WDFY2: variants seen among roughly 807,000 people sequenced by gnomAD.
The protein encoded by WDFY2 is WD repeat and FYVE domain containing 2.
A neutral mutation model predicts 56.4 loss-of-function variants in WDFY2; 36 were observed. That is an observed-to-expected ratio of 0.64 (90% confidence interval 0.49 to 0.84). The LOEUF is 0.84. Among genes scored for constraint, WDFY2 ranks in the 40% least tolerant of loss-of-function variants. WDFY2 has a pLI of 0.00. For synonymous variants in WDFY2, 176 were observed against 183.7 expected, an observed-to-expected ratio of 0.96 and a Z score of 0.34; for missense variants, 444 against 512.2, an observed-to-expected ratio of 0.87 and a Z score of 1.29.
intron 11 of WDFY2, among the ~76,000 whole-genome samples, chr13:51,759,102 G>GT (rs1278021513): frequency 6.6e-6 from 1 of 152,194 alleles, no homozygotes. Flanking sequence ...AATTACTTGA[G>GT]CCCAGTAAGT....
intron 3 of WDFY2, among the ~76,000 whole-genome samples, chr13:51,699,707 A>G (rs1364369741): frequency 6.6e-6 from 1 of 152,210 alleles, no homozygotes; most frequent in African/African-American, 2.4e-5. Context: ...GTGGGAAAAT[A>G]AGCTGTCAAA....
intron 1 of WDFY2, among the ~76,000 whole-genome samples, chr13:51,655,480 G>A (rs554789573): frequency 1.7e-4 from 26 of 151,670 alleles, no homozygotes; most frequent in East Asian, 3.9e-4. Context: ...TTAATGTGCC[G>A]TATCACATTG....
At chr13:51,708,745 G>A (rs933933094) in intron 4 of WDFY2, among the ~76,000 whole-genome samples, 1 of 152,148 alleles carries the variant, frequency 6.6e-6, no homozygotes, top group Non-Finnish European at 1.5e-5. Context: ...AGTGAAAGGT[G>A]AGACCCAAGT....
At chr13:51,584,964 G>A in intron 1 of WDFY2, 140 bp downstream of exon 1, 1 of 1,238,058 alleles carries the variant, frequency 8.1e-7, no homozygotes, top group Non-Finnish European at 1.1e-6. Flanking sequence ...CATCCTGGTG[G>A]TGCCGGTGTT....
intron 1 of WDFY2, among the ~76,000 whole-genome samples, chr13:51,647,273 T>G (rs976668668): frequency 6.6e-6 from 1 of 152,198 alleles, no homozygotes; most frequent in Non-Finnish European, 1.5e-5. Context: ...TGCCATAGAA[T>G]GTACTCACAC....
rs1593468091 is a variant in WDFY2, at chr13:51,741,058, T to C, written c.725+1883T>C. ...TACAGTTTGTTACGAAAGGAAAAGC[T>C]ATAAAGTTTAGATAAGTCTCTCAGT... is the stretch of plus-strand genomic sequence containing the variant. On this transcript the variant is annotated intron_variant, in intron 7 of 11. Transcript: ENST00000298125. 2.0e-5 allele frequency among the ~76,000 whole-genome samples: 3 copies of C among 152,358 alleles called. No individual in the cohort carries two copies. The East Asian group carries it at 5.8e-4, about 29-fold the overall frequency.
At position 51,767,415 on chromosome 13, in the gene WDFY2, C is replaced by G. The variant is rs562286950; in HGVS notation, c.*7646C>G. The G allele has an allele frequency of 6.6e-6, 1 of 152,322 alleles. No homozygotes were observed. Among genetic ancestry groups the G allele is most frequent in the East Asian group, 1.9e-4 (1 of 5,182 alleles). The allele number at this position is 152,322 out of a possible 1,614,324, so 9.4% of individuals were successfully genotyped here. A position where few individuals can be genotyped will look rare whatever the true frequency, so the allele number is the denominator to read the frequency against. ...CTTGTGGTCCTTGGCTGATGATGAG[C>G]CCTGGATCAGAGTGTCTCCAGGACC... is the stretch of plus-strand genomic sequence containing the variant. On this transcript the variant is annotated 3_prime_UTR_variant, in exon 12 of 12. Transcript: ENST00000298125.
chr13:51,707,310 C>T (rs1487335373), intron 4 of WDFY2, among the ~76,000 whole-genome samples: 1 of 152,116 alleles, frequency 6.6e-6, no homozygotes, highest in African/African-American at 2.4e-5. Flanking sequence ...AGGCGTATGC[C>T]ACCACACCTG....
intron 1 of WDFY2, among the ~76,000 whole-genome samples, chr13:51,617,236 C>G (rs967504389): frequency 6.6e-6 from 1 of 152,172 alleles, no homozygotes; most frequent in Admixed American, 6.5e-5. Context: ...ACAGCAGTAA[C>G]TCCTTAGGTC....
chr13:51,711,100 A>G (rs1952204010), intron 4 of WDFY2, among the ~76,000 whole-genome samples: 1 of 136,690 alleles, frequency 7.3e-6, no homozygotes, highest in African/African-American at 2.7e-5. Context: ...GGTGTAGATC[A>G]ATGGAATAGA....
chr13:51,620,297 C>T (rs1393025429), intron 1 of WDFY2, among the ~76,000 whole-genome samples: 1 of 152,160 alleles, frequency 6.6e-6, no homozygotes, highest in Non-Finnish European at 1.5e-5. Context: ...TTTGGCTCTG[C>T]CATGGAACAG....
intron 1 of WDFY2, among the ~76,000 whole-genome samples, chr13:51,624,132 C>T (rs1461243013): frequency 3.9e-5 from 6 of 152,218 alleles, no homozygotes; most frequent in African/African-American, 1.4e-4. Context: ...CTACTCAAGG[C>T]ATACACTTTT....
chr13:51,741,738 A>G (rs1385743606), intron 7 of WDFY2, among the ~76,000 whole-genome samples: 2 of 152,210 alleles, frequency 1.3e-5, no homozygotes, highest in Admixed American at 1.3e-4. Flanking sequence ...GAGAGCTCAG[A>G]TATCATTTTT....
At chr13:51,654,232 C>T (rs1400563347) in intron 1 of WDFY2, among the ~76,000 whole-genome samples, 1 of 152,184 alleles carries the variant, frequency 6.6e-6, no homozygotes, top group African/African-American at 2.4e-5. Context: ...CCTAGTGTGC[C>T]GTTTGCTAAG....
intron 1 of WDFY2, among the ~76,000 whole-genome samples, chr13:51,619,546 A>G (rs1208622278): frequency 1.3e-5 from 2 of 152,202 alleles, no homozygotes; most frequent in African/African-American, 2.4e-5. Context: ...ACTGGGGACT[A>G]TTTTCCTCAT....
intron 1 of WDFY2, chr13:51,586,213 A>C (rs557026892): frequency 5.1e-6 from 2 of 395,836 alleles, no homozygotes; most frequent in African/African-American, 4.1e-5. Flanking sequence ...GGACCTAGAA[A>C]TTCTTTGGCA....
intron 3 of WDFY2, among the ~76,000 whole-genome samples, chr13:51,677,394 T>C (rs1263442236): frequency 6.6e-6 from 1 of 152,216 alleles, no homozygotes; most frequent in Non-Finnish European, 1.5e-5. Flanking sequence ...GAGAACAGCA[T>C]GTTTAAGGTT....
At chr13:51,606,801 C>G (rs539090332) in intron 1 of WDFY2, among the ~76,000 whole-genome samples, 37 of 151,990 alleles carry the variant, frequency 2.4e-4, no homozygotes, top group Non-Finnish European at 1.5e-4. Context: ...AGTGTTGTCA[C>G]TCTTAATTTA....
At chr13:51,659,381 C>G (rs750941861) in intron 1 of WDFY2, among the ~76,000 whole-genome samples, 26 of 152,194 alleles carry the variant, frequency 1.7e-4, no homozygotes, top group Non-Finnish European at 3.4e-4. Context: ...TGTCACTCTG[C>G]TTTTAACCCT....
Sources: gnomAD v4.1 joint callset for allele counts (sites outside exome capture counted in the v4.1 genomes callset) on GRCh38, gnomAD v4.1.1 for gene constraint, MANE v1.5 for transcripts, NCBI Gene and HGNC (gene_info 2026-07-23, HGNC 2026-07-21) for gene names.